FRMPD4: variants seen among roughly 807,000 people sequenced by gnomAD.
FRMPD4 encodes the protein FERM and PDZ domain containing 4.
A neutral mutation model predicts 94.1 loss-of-function variants in FRMPD4; 22 were observed. That is an observed-to-expected ratio of 0.23 (90% CI 0.17 to 0.33). The LOEUF (loss-of-function observed/expected upper bound fraction) is 0.33. FRMPD4 is among the 10% of genes least tolerant of loss of function. The pLI is 1.00. For synonymous variants in FRMPD4, 631 were observed against 548.6 expected, an observed-to-expected ratio of 1.15 and a Z score of -2.10; for missense variants, 1,111 against 1,339.9, an observed-to-expected ratio of 0.83 and a Z score of 2.67.
intron 1 of FRMPD4, among the ~76,000 whole-genome samples, chrX:12,353,083 C>T (rs900666934): frequency 3.6e-5 from 4 of 111,942 alleles, no homozygotes; most frequent in Admixed American, 1.9e-4. Flanking sequence ...AGGGCTAGGA[C>T]GAGAGTGTGG....
chrX:12,705,339 G>T (rs2041857241), intron 11 of FRMPD4, among the ~76,000 whole-genome samples: 1 of 111,835 alleles, frequency 8.9e-6, no homozygotes, highest in Non-Finnish European at 1.9e-5. Context: ...TTAAAATACT[G>T]GATCTATAAA....
At chrX:12,401,907 GA>G (rs996698237) in intron 1 of FRMPD4, among the ~76,000 whole-genome samples, 1 of 111,593 alleles carries the variant, frequency 9.0e-6, no homozygotes, top group African/African-American at 3.3e-5. Context: ...GTTGACTACA[GA>G]GTTAAAGTTT....
chrX:11,845,530 G>C (rs1448409658), intron 1 of FRMPD4, among the ~76,000 whole-genome samples: 2 of 108,478 alleles, frequency 1.8e-5, no homozygotes, highest in African/African-American at 3.4e-5. Flanking sequence ...CTCATTTTAT[G>C]AGGCCAGCAT....
At chrX:12,550,451 CATG>C (rs2058522043) in intron 2 of FRMPD4, among the ~76,000 whole-genome samples, 1 of 110,856 alleles carries the variant, frequency 9.0e-6, no homozygotes. Context: ...TTAAAAAGAT[CATG>C]ATATCTATTT....
intron 1 of FRMPD4, among the ~76,000 whole-genome samples, chrX:12,358,712 A>C (rs1259333847): frequency 8.9e-6 from 1 of 112,167 alleles, no homozygotes; most frequent in Admixed American, 9.4e-5. Flanking sequence ...AGAGAAAAAC[A>C]TTGTGACACC....
chrX:12,690,081 C>A, intron 7 of FRMPD4, 114 bp from the exon 8 acceptor site: 2 of 497,103 alleles, frequency 4.0e-6, no homozygotes, highest in Non-Finnish European at 6.6e-6. Context: ...ATCAACCAAA[C>A]GTATAAAATT....
At chrX:11,831,431 TATG>T (rs755275307) in intron 1 of FRMPD4, among the ~76,000 whole-genome samples, 2 of 111,287 alleles carry the variant, frequency 1.8e-5, no homozygotes, top group South Asian at 3.8e-4. Flanking sequence ...ACTGGGTAAA[TATG>T]ATGCTGAGTT....
intron 2 of FRMPD4, among the ~76,000 whole-genome samples, chrX:12,529,499 G>T (rs886227421): frequency 8.9e-6 from 1 of 112,508 alleles, no homozygotes; most frequent in Non-Finnish European, 1.9e-5. Flanking sequence ...ATCATTGGAG[G>T]CCAACTCAGA....
chrX:12,173,394 T>C (rs1053949476), intron 1 of FRMPD4, among the ~76,000 whole-genome samples: 2 of 112,445 alleles, frequency 1.8e-5, no homozygotes, highest in African/African-American at 6.5e-5. Context: ...TACATCTTGC[T>C]CCAGGGATCA....
intron 1 of FRMPD4, among the ~76,000 whole-genome samples, chrX:12,459,452 A>G (rs1271683044): frequency 9.0e-6 from 1 of 111,415 alleles, no homozygotes; most frequent in African/African-American, 3.3e-5. Context: ...AGTTTCCTCA[A>G]GTCCCTTACG....
chrX:11,949,945 T>C lies in FRMPD4; in HGVS notation c.95+71927T>C, dbSNP rs924148917. ...GTTCAACATGCTGCCTTGATATACA[T>C]ATACATAGTGAAATAATTACTAATG... On this transcript the variant is annotated intron_variant, in intron 3 of 18. Coordinates refer to the FRMPD4 transcript ENST00000640291. Among the ~76,000 whole-genome samples the C allele has an allele frequency of 4.4e-5, 5 of 112,443 alleles. No homozygotes were observed. The East Asian group carries it at 1.4e-3, about 31-fold the overall frequency.
At chrX:12,401,579 TA>T (rs2056609574) in intron 1 of FRMPD4, among the ~76,000 whole-genome samples, 1 of 112,049 alleles carries the variant, frequency 8.9e-6, no homozygotes, top group African/African-American at 3.2e-5. Flanking sequence ...GTGCCAGAGA[TA>T]AATGTGGAAA....
intron 3 of FRMPD4, among the ~76,000 whole-genome samples, chrX:11,880,449 A>C (rs1282110960): frequency 9.0e-6 from 1 of 111,288 alleles, no homozygotes; most frequent in Non-Finnish European, 1.9e-5. Context: ...CTTCAAGTTC[A>C]GTTTGTTGAG....
chrX:12,380,426 A>C (rs752116500), intron 1 of FRMPD4, among the ~76,000 whole-genome samples: 3 of 112,432 alleles, frequency 2.7e-5, no homozygotes, highest in African/African-American at 9.7e-5. Context: ...AAGTGTTATT[A>C]TCTTCTTACC....
chrX:12,406,992 G>A (rs766886405), intron 1 of FRMPD4, among the ~76,000 whole-genome samples: 15 of 110,853 alleles, frequency 1.4e-4, no homozygotes, highest in South Asian at 3.9e-4. Flanking sequence ...CTTTTCCAGC[G>A]CCTAGAGGCT....
chrX:12,326,955 C>T (rs2055299008), intron 1 of FRMPD4, among the ~76,000 whole-genome samples: 1 of 110,617 alleles, frequency 9.0e-6, no homozygotes, highest in African/African-American at 3.3e-5. Flanking sequence ...GAGTAAGACC[C>T]TGCATCAAAA....
chrX:11,840,155 T>A (rs1002687840), intron 1 of FRMPD4, among the ~76,000 whole-genome samples: 1 of 111,608 alleles, frequency 9.0e-6, no homozygotes, highest in Non-Finnish European at 1.9e-5. Flanking sequence ...TAGATCAGTT[T>A]GGGGAGAAAT....
chrX:12,717,952 G>A lies in FRMPD4; in HGVS notation c.3126G>A (p.Gly1042=). ...GTGAGGGGAAGGCACCCCCTAATGG[G>A]AACACAACAGGAAAAAAACAGCAGG... is the stretch of plus-strand genomic sequence containing the variant. The part of the protein sequence containing the change: ...ADGEGKAPPN[G]NTTGKKQQGT... Residue 1042 remains glycine, a synonymous_variant, in exon 16 of 17, where the codon GGG becomes GGA. Transcript: ENST00000675598. The A allele has an allele frequency of 8.3e-7, 1 of 1,211,619 alleles. No homozygotes were observed. Among genetic ancestry groups the A allele is most frequent in the Non-Finnish European group, 1.1e-6 (1 of 895,156 alleles).
intron 2 of FRMPD4, among the ~76,000 whole-genome samples, chrX:12,524,371 T>C (rs2058197713): frequency 9.0e-6 from 1 of 111,598 alleles, no homozygotes; most frequent in Non-Finnish European, 1.9e-5. Context: ...TTCATTTTGG[T>C]TTACACTGGT....
Sources: gnomAD v4.1 joint callset for allele counts (sites outside exome capture counted in the v4.1 genomes callset) on GRCh38, gnomAD v4.1.1 for gene constraint, MANE v1.5 for transcripts, NCBI Gene and HGNC (gene_info 2026-07-23, HGNC 2026-07-21) for gene names.